Variants in ZFPM2 observed in about 807,000 individuals in gnomAD.
ZFPM2 encodes the protein zinc finger protein ZFPM2.
A neutral mutation model predicts 98.6 loss-of-function variants in ZFPM2; 20 were observed. The ratio of observed to expected loss-of-function variants is 0.20; its 90% CI spans 0.14 to 0.29. The LOEUF is 0.29. Ranked by LOEUF, ZFPM2 falls within the 10% of genes least tolerant of loss-of-function variation. The probability of loss-of-function intolerance (pLI) is 1.00; values close to 1 mark genes in which losing one functional copy is unlikely to be tolerated. For synonymous variants in ZFPM2, 518 were observed against 502.7 expected (o/e 1.03, Z -0.41); for missense variants, 1,310 against 1,388.6 (o/e 0.94, Z 0.90).
intron 5 of ZFPM2, among the ~76,000 whole-genome samples, chr8:105,663,430 G>A (rs1470455182): frequency 6.6e-6 from 1 of 152,158 alleles, no homozygotes; most frequent in Non-Finnish European, 1.5e-5. Flanking sequence ...TTCAACAAAT[G>A]TTTATCATGC....
chr8:105,594,998 G>A (rs1041248969), intron 4 of ZFPM2, among the ~76,000 whole-genome samples: 1 of 152,042 alleles, frequency 6.6e-6, no homozygotes, highest in Admixed American at 6.6e-5. Flanking sequence ...ATAAGCAGTA[G>A]AAACAACTTC....
rs114653631 is a variant in ZFPM2, at chr8:105,783,317, A to G, written c.533-5401A>G. ...TAGTTATGGCTAAAAATTTCATGCC[A>G]ATGTTCTAGGTTCACAGAGGATGTT... On this transcript the variant is annotated intron_variant, in intron 5 of 7. Transcript: ENST00000407775. Among the ~76,000 whole-genome samples the G allele has an allele frequency of 9.8e-3, 1,451 of 148,610 alleles. 27 individuals are homozygous for G. Among genetic ancestry groups the G allele is most frequent in the African/African-American group, 0.034 (1,358 of 40,406 alleles).
intron 5 of ZFPM2, among the ~76,000 whole-genome samples, chr8:105,646,051 GAAA>G (rs33913136): frequency 0.48 from 63,435 of 133,024 alleles, 14,358 homozygotes; most frequent in African/African-American, 0.52. Flanking sequence ...ACTCCATCTG[GAAA>G]AAAAAAAAAA....
chr8:105,641,736 A>G (rs1267923398), intron 5 of ZFPM2, among the ~76,000 whole-genome samples: 1 of 152,116 alleles, frequency 6.6e-6, no homozygotes, highest in Non-Finnish European at 1.5e-5. Flanking sequence ...TATTACTACT[A>G]TATGCTATAT....
chr8:105,346,237 A>T (rs1485318250), intron 1 of ZFPM2, among the ~76,000 whole-genome samples: 1 of 151,954 alleles, frequency 6.6e-6, no homozygotes, highest in East Asian at 1.9e-4. Context: ...ATACAAAATT[A>T]GCCGGGCGTG....
chr8:105,755,663 AC>A (rs1394993153), intron 5 of ZFPM2, among the ~76,000 whole-genome samples: 1 of 152,112 alleles, frequency 6.6e-6, no homozygotes, highest in Admixed American at 6.6e-5. Flanking sequence ...TGGCTGCAAA[AC>A]ATCTTATGAA....
chr8:105,330,541 T>TATATATATACATATATATATATATAC (rs1812192968), intron 1 of ZFPM2, among the ~76,000 whole-genome samples: 3 of 82,468 alleles, frequency 3.6e-5, no homozygotes, highest in South Asian at 5.1e-4. Context: ...TCTCTCTCTA[T>TATATATATACATATATATATATATAC]ATATATATAT....
At chr8:105,598,570 T>C (rs557738693) in intron 4 of ZFPM2, among the ~76,000 whole-genome samples, 1 of 152,228 alleles carries the variant, frequency 6.6e-6, no homozygotes, top group African/African-American at 2.4e-5. Context: ...TCTCTCTCTT[T>C]AAAAAGTGGA....
intron 4 of ZFPM2, among the ~76,000 whole-genome samples, chr8:105,619,132 C>T (rs936086951): frequency 1.4e-4 from 22 of 152,086 alleles, no homozygotes; most frequent in South Asian, 4.1e-4. Context: ...AAATTGGAGA[C>T]GGCCTCAGTG....
At chr8:105,407,291 A>G (rs1388380196) in intron 1 of ZFPM2, among the ~76,000 whole-genome samples, 2 of 151,892 alleles carry the variant, frequency 1.3e-5, no homozygotes, top group African/African-American at 4.8e-5. Context: ...AAACCAATAT[A>G]TTTTACTTCA....
intron 1 of ZFPM2, among the ~76,000 whole-genome samples, chr8:105,381,400 G>T (rs553855042): frequency 6.6e-6 from 1 of 151,926 alleles, no homozygotes; most frequent in Non-Finnish European, 1.5e-5. Flanking sequence ...TGATAGTTAA[G>T]AATTTTTAAG....
At chr8:105,521,576 A>T (rs78804956) in intron 3 of ZFPM2, among the ~76,000 whole-genome samples, 2,148 of 151,450 alleles carry the variant, frequency 0.014, 52 homozygotes, top group African/African-American at 0.05. Context: ...ATACAATGTG[A>T]AACTTTCTTT....
intron 5 of ZFPM2, among the ~76,000 whole-genome samples, chr8:105,638,772 CT>C (rs1392713613): frequency 6.6e-6 from 1 of 152,038 alleles, no homozygotes; most frequent in African/African-American, 2.4e-5. Context: ...CTATAAATCT[CT>C]CCTTGTCAGC....
At chr8:105,443,564 C>CT (rs1812309271) in intron 2 of ZFPM2, among the ~76,000 whole-genome samples, 1 of 151,816 alleles carries the variant, frequency 6.6e-6, no homozygotes, top group African/African-American at 2.4e-5. Flanking sequence ...AGACTTTTTG[C>CT]TTTTAAAATA....
At chr8:105,601,267 A>G (rs1387620970) in intron 4 of ZFPM2, among the ~76,000 whole-genome samples, 4 of 152,082 alleles carry the variant, frequency 2.6e-5, no homozygotes, top group African/African-American at 4.8e-5. Flanking sequence ...TAACATATGA[A>G]AACACCAAGC....
At chr8:105,532,601 GA>G (rs769326133) in intron 3 of ZFPM2, among the ~76,000 whole-genome samples, 20 of 152,154 alleles carry the variant, frequency 1.3e-4, no homozygotes, top group Admixed American at 4.6e-4. Flanking sequence ...CCATGTTAAT[GA>G]ATAGAGTGCT....
At chr8:105,785,317 GAC>G (rs1199307772) in intron 5 of ZFPM2, 1 of 151,664 alleles carries the variant, frequency 6.6e-6, no homozygotes, top group Admixed American at 6.6e-5. Context: ...ACATACAACA[GAC>G]ACACAACACA....
Position 105,568,870 on chromosome 8 carries a change from T to C in ZFPM2, c.420+7389T>C, listed in dbSNP as rs574901893. Among the ~76,000 whole-genome samples the C allele has an allele frequency of 2.6e-5, 4 of 152,114 alleles. No individual in the cohort carries two copies. The East Asian group carries it at 7.8e-4, about 29-fold the overall frequency. On this transcript the variant is annotated intron_variant, in intron 4 of 7. Transcript: ENST00000407775. ...CCCAGTTCTGACCCCTTTTCCACTC[T>C]CTTATAGACTTTAGGCATTCTGAAC...
In ZFPM2 at chr8:105,736,845, T is replaced by C. The variant is rs777296973; in HGVS notation, c.533-51873T>C. ...TGCAAGTACTTGCAGACATTTCTCC[T>C]ATAAATAATATCTCTAATATTTTAA... On this transcript the variant is annotated intron_variant, in intron 5 of 7. Transcript: ENST00000407775. Among the ~76,000 whole-genome samples the C allele has an allele frequency of 3.3e-5, 5 of 152,204 alleles. No individual in the cohort carries two copies. In the East Asian group the frequency reaches 9.7e-4, roughly 30 times the overall value.
Sources: gnomAD v4.1 joint callset for allele counts (sites outside exome capture counted in the v4.1 genomes callset) on GRCh38, gnomAD v4.1.1 for gene constraint, MANE v1.5 for transcripts, NCBI Gene and HGNC (gene_info 2026-07-23, HGNC 2026-07-21) for gene names.